Variants in SLC24A2 observed in about 807,000 individuals in gnomAD.
SLC24A2 encodes solute carrier family 24 member 2.
Under a neutral mutation model 62.0 loss-of-function variants are expected in SLC24A2, and 36 were observed. That is an observed-to-expected ratio of 0.58 (90% confidence interval 0.44 to 0.77). SLC24A2 has a LOEUF of 0.77. Among genes scored for constraint, SLC24A2 ranks in the 30% least tolerant of loss-of-function variants. SLC24A2 has a pLI of 0.00. For missense variants in SLC24A2, 846 were observed against 817.9 expected, an observed-to-expected ratio of 1.03 and a Z score of -0.42; for synonymous variants, 358 against 294.0, an observed-to-expected ratio of 1.22 and a Z score of -2.23.
the SLC24A2 span, among the ~76,000 whole-genome samples, chr9:20,255,848 T>G: frequency 6.6e-6 from 1 of 152,228 alleles, no homozygotes; most frequent in Non-Finnish European, 1.5e-5. Flanking sequence ...TTCCATTTTG[T>G]GAAGCAAGTT....
At chr9:19,721,055 A>G (rs1290676948) in intron 2 of SLC24A2, among the ~76,000 whole-genome samples, 1 of 152,134 alleles carries the variant, frequency 6.6e-6, no homozygotes, top group Non-Finnish European at 1.5e-5. Context: ...TTCTTCCCAT[A>G]AGTTTAACTC....
chr9:19,961,162 AG>A, the SLC24A2 span, among the ~76,000 whole-genome samples: 1 of 151,472 alleles, frequency 6.6e-6, no homozygotes, highest in East Asian at 1.9e-4. Context: ...AGAGAGAGAG[AG>A]AGAAATAATA....
chr9:20,220,796 G>C, the SLC24A2 span, among the ~76,000 whole-genome samples: 6 of 152,060 alleles, frequency 3.9e-5, no homozygotes, highest in African/African-American at 1.4e-4. Flanking sequence ...TCTTCTTTGA[G>C]ATATATTTCT....
At chr9:20,080,788 A>G in the SLC24A2 span, among the ~76,000 whole-genome samples, 1 of 151,820 alleles carries the variant, frequency 6.6e-6, no homozygotes, top group Admixed American at 6.6e-5. Context: ...CAAGAAAAAA[A>G]CAAACAACCC....
At chr9:19,854,280 G>T in the SLC24A2 span, among the ~76,000 whole-genome samples, 1 of 151,760 alleles carries the variant, frequency 6.6e-6, no homozygotes, top group Admixed American at 6.6e-5. Context: ...TTTTTTGAAG[G>T]GTTTTTCATG....
rs563982662 is a variant in SLC24A2 at position 19,627,042 on chromosome 9, GAA to G, written c.931-4745_931-4744del. On this transcript the variant is annotated intron_variant, in intron 2 of 10. Transcript: ENST00000341998. ...TTAAATAAATTCCTAGACAAAGAAAGAAAAATTTAAATTCAAATTACTTTGAC... is the reference window on the plus strand; with the variant it reads ...TTAAATAAATTCCTAGACAAAGAAAGAAATTTAAATTCAAATTACTTTGAC... Among the ~76,000 whole-genome samples the G allele has an allele frequency of 2.6e-4, 39 of 152,254 alleles. No homozygotes were observed. In the South Asian group the frequency reaches 7.7e-3, roughly 30 times the overall value.
At chr9:19,542,907 T>C (rs1420327077) in intron 8 of SLC24A2, among the ~76,000 whole-genome samples, 1 of 152,188 alleles carries the variant, frequency 6.6e-6, no homozygotes, top group East Asian at 1.9e-4. Context: ...CTTTTTTTGT[T>C]GTGTCTCTGG....
At chr9:19,636,299 CTTT>C (rs1250604021) in intron 2 of SLC24A2, among the ~76,000 whole-genome samples, 1 of 41,904 alleles carries the variant, frequency 2.4e-5, no homozygotes, top group South Asian at 9.3e-4. Context: ...CTTTTCTTTT[CTTT>C]TCTTTTCTTT....
the SLC24A2 span, among the ~76,000 whole-genome samples, chr9:19,829,800 TATATATATATACACACAC>T: frequency 1.3e-4 from 8 of 62,004 alleles, no homozygotes; most frequent in South Asian, 2.3e-3. Context: ...TGTGTGTGTA[TATATATATATACACACAC>T]ACACACACAC....
At chr9:20,108,416 C>T in the SLC24A2 span, among the ~76,000 whole-genome samples, 1 of 152,114 alleles carries the variant, frequency 6.6e-6, no homozygotes, top group African/African-American at 2.4e-5. Flanking sequence ...TATTGCGGCA[C>T]TATTCACAAT....
chr9:19,987,197 T>C, the SLC24A2 span, among the ~76,000 whole-genome samples: 1 of 152,004 alleles, frequency 6.6e-6, no homozygotes, highest in Non-Finnish European at 1.5e-5. Context: ...AGTTGGGTCA[T>C]GAGGGTTGGA....
At chr9:19,572,291 C>T (rs988964962) in intron 7 of SLC24A2, among the ~76,000 whole-genome samples, 2 of 146,442 alleles carry the variant, frequency 1.4e-5, no homozygotes, top group Non-Finnish European at 1.5e-5. Context: ...AATGGAGCTA[C>T]TAATGCCTAC....
chr9:20,126,994 C>T, the SLC24A2 span, among the ~76,000 whole-genome samples: 1 of 152,184 alleles, frequency 6.6e-6, no homozygotes, highest in East Asian at 1.9e-4. Flanking sequence ...TGTCAATTGA[C>T]ATAAATTAAA....
At chr9:19,551,639 G>A (rs1015657786) in intron 7 of SLC24A2, among the ~76,000 whole-genome samples, 3 of 152,138 alleles carry the variant, frequency 2.0e-5, no homozygotes, top group African/African-American at 4.8e-5. Context: ...TGGGGCTCTT[G>A]CTTCCAGCAC....
the SLC24A2 span, among the ~76,000 whole-genome samples, chr9:20,121,902 G>C: frequency 1.3e-5 from 2 of 152,164 alleles, no homozygotes; most frequent in South Asian, 4.2e-4. Context: ...TATACATCTA[G>C]AGCTTTACAC....
At chr9:20,263,257 G>T in the SLC24A2 span, among the ~76,000 whole-genome samples, 1 of 152,110 alleles carries the variant, frequency 6.6e-6, no homozygotes, top group Non-Finnish European at 1.5e-5. Flanking sequence ...TTTCTTTTTG[G>T]TGGAGGTGGG....
intron 5 of SLC24A2, among the ~76,000 whole-genome samples, chr9:19,586,723 C>A (rs76406441): frequency 3.9e-5 from 6 of 152,046 alleles, no homozygotes; most frequent in Non-Finnish European, 7.4e-5. Flanking sequence ...TGATCGTGGC[C>A]GTTTCTGACA....
the SLC24A2 span, among the ~76,000 whole-genome samples, chr9:20,211,012 G>A: frequency 1.4e-3 from 219 of 151,946 alleles, 2 homozygotes; most frequent in African/African-American, 4.9e-3. Context: ...GGTTTTAGAA[G>A]GACAAGACTG....
chr9:19,995,041 G>A, the SLC24A2 span, among the ~76,000 whole-genome samples: 1 of 150,440 alleles, frequency 6.6e-6, no homozygotes, highest in Non-Finnish European at 1.5e-5. Context: ...GGCGGATGGT[G>A]AGGGGATTTA....
Sources: gnomAD v4.1 joint callset for allele counts (sites outside exome capture counted in the v4.1 genomes callset) on GRCh38, gnomAD v4.1.1 for gene constraint, MANE v1.5 for transcripts, NCBI Gene and HGNC (gene_info 2026-07-23, HGNC 2026-07-21) for gene names.